BMP5: variants seen among roughly 807,000 people sequenced by gnomAD.
BMP5 encodes the protein bone morphogenetic protein 5.
Under a neutral mutation model 46.6 loss-of-function variants are expected in BMP5, and 23 were observed. The observed-to-expected ratio is 0.49, with a 90% CI of 0.35 to 0.70. BMP5 has a LOEUF of 0.70. Ranked by LOEUF, BMP5 falls within the 30% of genes least tolerant of loss-of-function variation. BMP5 has a pLI of 0.00. For synonymous variants in BMP5, 204 were observed against 191.9 expected (o/e 1.06, Z -0.52); for missense variants, 545 against 565.6 (o/e 0.96, Z 0.37).
At chr6:55,855,939 C>T (rs745918892) in intron 1 of BMP5, among the ~76,000 whole-genome samples, 26 of 152,116 alleles carry the variant, frequency 1.7e-4, no homozygotes, top group Non-Finnish European at 1.5e-4. Context: ...CCAGTGAAAT[C>T]TACCATTAGC....
rs533800335 is a variant in BMP5 at position 55,761,491 on chromosome 6, C to T, written c.1028-958G>A. Among the ~76,000 whole-genome samples the T allele has an allele frequency of 6.6e-5, 10 of 152,120 alleles. 1 individual carries two copies. The South Asian group carries it at 1.9e-3, about 28-fold the overall frequency. ...TCTGACTCATTTGATCCTATTACCC[C>T]TCTGACTCTCACTTCTTCTCCTTCA... On this transcript the variant is annotated intron_variant, in intron 4 of 6. Coordinates refer to ENST00000370830, the MANE Select transcript of BMP5 (RefSeq NM_021073.4).
At chr6:55,801,989 G>A (rs1775859543) in intron 2 of BMP5, among the ~76,000 whole-genome samples, 1 of 152,168 alleles carries the variant, frequency 6.6e-6, no homozygotes, top group Non-Finnish European at 1.5e-5. Flanking sequence ...AGAATGAACT[G>A]ATATCCTTCA....
intron 2 of BMP5, among the ~76,000 whole-genome samples, chr6:55,799,042 A>G (rs1008204429): frequency 4.6e-5 from 7 of 152,186 alleles, no homozygotes; most frequent in African/African-American, 1.7e-4. Flanking sequence ...AATATTTATC[A>G]TCTTTTTATC....
At chr6:55,797,741 C>T (rs1307677309) in intron 2 of BMP5, among the ~76,000 whole-genome samples, 1 of 151,600 alleles carries the variant, frequency 6.6e-6, no homozygotes, top group African/African-American at 2.4e-5. Context: ...TTCAGCCTCC[C>T]GAGTAGCTGG....
intron 1 of BMP5, among the ~76,000 whole-genome samples, chr6:55,824,266 A>G (rs1305231568): frequency 1.3e-5 from 2 of 151,958 alleles, no homozygotes; most frequent in African/African-American, 4.8e-5. Context: ...TAAAAGATAC[A>G]CAAGTAAATG....
intron 3 of BMP5, among the ~76,000 whole-genome samples, chr6:55,780,855 T>C (rs1356173031): frequency 1.3e-5 from 2 of 152,042 alleles, no homozygotes; most frequent in African/African-American, 4.8e-5. Context: ...TGCCCAGTTG[T>C]GGAAGCTGTC....
chr6:55,817,834 G>C (rs965383897), intron 2 of BMP5, among the ~76,000 whole-genome samples: 3 of 152,114 alleles, frequency 2.0e-5, no homozygotes, highest in Non-Finnish European at 4.4e-5. Flanking sequence ...CAGAAGCCAA[G>C]GCGTAGCCTA....
chr6:55,829,665 T>G (rs79248894), intron 1 of BMP5, among the ~76,000 whole-genome samples: 3,323 of 151,952 alleles, frequency 0.022, 156 homozygotes, highest in African/African-American at 0.075. Flanking sequence ...ATGAATATAT[T>G]ACTCTTGAGG....
At chr6:55,844,547 G>C (rs900446797) in intron 1 of BMP5, among the ~76,000 whole-genome samples, 15 of 151,808 alleles carry the variant, frequency 9.9e-5, no homozygotes, top group Non-Finnish European at 1.8e-4. Context: ...GATTTTATGA[G>C]TTCTACAAAT....
intron 1 of BMP5, among the ~76,000 whole-genome samples, chr6:55,859,303 C>T (rs1777476616): frequency 6.6e-6 from 1 of 152,024 alleles, no homozygotes; most frequent in Non-Finnish European, 1.5e-5. Context: ...TCTAATAATT[C>T]GTTTTCTAAG....
At chr6:55,812,871 A>G (rs911344146) in intron 2 of BMP5, among the ~76,000 whole-genome samples, 2 of 152,206 alleles carry the variant, frequency 1.3e-5, no homozygotes, top group Non-Finnish European at 1.5e-5. Flanking sequence ...AACTGTGATC[A>G]TGTGATATGT....
At position 55,759,172 on chromosome 6, in the gene BMP5, AAAAAAAAAAAAC is replaced by A. The variant is rs1562023485; in HGVS notation, c.1105-69_1105-58del. 1.1e-4 allele frequency: 78 copies of A among 738,814 alleles called. 1 individual carries two copies. The highest frequency in any genetic ancestry group is 2.9e-4 in the African/African-American group (14 of 48,314). The allele number at this position is 738,814 out of a possible 1,614,324, so 45.8% of individuals were successfully genotyped here. A position where few individuals can be genotyped will look rare whatever the true frequency, so the allele number is the denominator to read the frequency against. ...AAAAAAAAAAAAAAAAAAAAAAAAA[AAAAAAAAAAAAC>A]AACAAGAAAAAATATCACCAAAGTA... is the stretch of plus-strand genomic sequence containing the variant. On this transcript the variant is annotated intron_variant, in intron 5 of 6. Coordinates refer to ENST00000370830, the MANE Select transcript of BMP5 (RefSeq NM_021073.4).
chr6:55,759,412 T>C (rs1189736710), intron 5 of BMP5, among the ~76,000 whole-genome samples: 1 of 151,794 alleles, frequency 6.6e-6, no homozygotes, highest in Admixed American at 6.6e-5. Flanking sequence ...AAGATATTCA[T>C]AGTATGTATT....
At chr6:55,808,353 C>A (rs1450387711) in intron 2 of BMP5, among the ~76,000 whole-genome samples, 1 of 152,166 alleles carries the variant, frequency 6.6e-6, no homozygotes, top group Non-Finnish European at 1.5e-5. Flanking sequence ...AAAAGCACAG[C>A]CTGGAGCTAT....
chr6:55,787,055 C>G (rs1182312890), intron 3 of BMP5, among the ~76,000 whole-genome samples: 1 of 151,274 alleles, frequency 6.6e-6, no homozygotes, highest in Non-Finnish European at 1.5e-5. Flanking sequence ...AAAATATCAC[C>G]CTTGATCTTT....
At chr6:55,811,435 T>G (rs561329099) in intron 2 of BMP5, among the ~76,000 whole-genome samples, 7 of 152,296 alleles carry the variant, frequency 4.6e-5, no homozygotes, top group African/African-American at 1.7e-4. Context: ...GTGAAAAAAT[T>G]AATTCAAGTA....
At chr6:55,772,562 T>G (rs541311204) in intron 4 of BMP5, among the ~76,000 whole-genome samples, 4 of 152,042 alleles carry the variant, frequency 2.6e-5, no homozygotes, top group Admixed American at 2.6e-4. Flanking sequence ...CAGCCTAGTA[T>G]TTACCAGGAA....
rs183158871 is a variant in BMP5 at position 55,776,456 on chromosome 6, A to T, written c.833-2213T>A. ...TGACAGAGAGCTTAGCAAAAGAAAA[A>T]AAAAAGAACTGAGAAACTTAACTGT... is the stretch of plus-strand genomic sequence containing the variant. On this transcript the variant is annotated intron_variant, in intron 3 of 6. Coordinates refer to ENST00000370830, the MANE Select transcript of BMP5 (RefSeq NM_021073.4). 4.2e-3 allele frequency among the ~76,000 whole-genome samples: 630 copies of T among 151,728 alleles called. 3 individuals are homozygous for T. Among genetic ancestry groups the T allele is most frequent in the Non-Finnish European group, 6.8e-3 (462 of 67,736 alleles).
At chr6:55,824,594 G>A (rs1776487121) in intron 1 of BMP5, among the ~76,000 whole-genome samples, 2 of 151,948 alleles carry the variant, frequency 1.3e-5, no homozygotes, top group South Asian at 4.1e-4. Context: ...AAAGGGGATA[G>A]AAGGACACAG....
Sources: allele counts gnomAD v4.1 joint callset (sites outside exome capture counted in the v4.1 genomes callset), GRCh38; gene constraint gnomAD v4.1.1; transcripts MANE v1.5; gene names NCBI Gene and HGNC (gene_info 2026-07-23, HGNC 2026-07-21).